Variants in TMEM131L observed in about 807,000 individuals in gnomAD.
The protein encoded by TMEM131L is transmembrane 131 like.
A neutral mutation model predicts 192.2 loss-of-function variants in TMEM131L; 54 were observed. That is an observed-to-expected ratio of 0.28 (90% CI 0.23 to 0.35). TMEM131L has a LOEUF of 0.35. Among genes scored for constraint, TMEM131L ranks in the 10% least tolerant of loss-of-function variants. TMEM131L has a pLI of 1.00. For missense variants in TMEM131L, 1,888 were observed against 1,972.9 expected (o/e 0.96, Z 0.82); for synonymous variants, 701 against 704.9 (o/e 0.99, Z 0.09).
At chr4:153,510,082 ACT>A (rs1162127228) in intron 3 of TMEM131L, among the ~76,000 whole-genome samples, 3 of 152,064 alleles carry the variant, frequency 2.0e-5, no homozygotes, top group Non-Finnish European at 4.4e-5. Context: ...TTGATACCTG[ACT>A]CTCATTTATG....
At chr4:153,513,068 C>A (rs1404917790) in intron 3 of TMEM131L, among the ~76,000 whole-genome samples, 2 of 152,012 alleles carry the variant, frequency 1.3e-5, no homozygotes, top group African/African-American at 4.8e-5. Context: ...GTTATCAAGG[C>A]GTCTAGAGAG....
chr4:153,635,347 C>G, intron 33 of TMEM131L, 85 bp from the exon 34 acceptor site: 1 of 1,312,708 alleles, frequency 7.6e-7, no homozygotes, highest in Non-Finnish European at 1.1e-6. Context: ...TATAGTGAGA[C>G]CTTGAAAGCT....
chr4:153,494,923 G>A (rs1190395959), intron 3 of TMEM131L, among the ~76,000 whole-genome samples: 6 of 152,188 alleles, frequency 3.9e-5, no homozygotes, highest in East Asian at 1.9e-4. Context: ...CTTTACCTGC[G>A]TGATCCGGGG....
intron 3 of TMEM131L, among the ~76,000 whole-genome samples, chr4:153,516,367 C>A (rs998190451): frequency 1.3e-5 from 2 of 152,070 alleles, no homozygotes; most frequent in Non-Finnish European, 2.9e-5. Context: ...GTAGCTGAAA[C>A]TAGAGGCATG....
intron 7 of TMEM131L, among the ~76,000 whole-genome samples, chr4:153,563,883 C>A (rs910000080): frequency 2.0e-5 from 3 of 152,082 alleles, no homozygotes; most frequent in Non-Finnish European, 4.4e-5. Context: ...CTTATTCCTC[C>A]CAATTCATAT....
In TMEM131L at chr4:153,550,079, G is replaced by T; in HGVS notation, c.246G>T (p.Ser82=). Residue 82 remains serine, a synonymous_variant, in exon 4 of 35, where the codon TCG becomes TCT. Transcript: ENST00000409959. ...LEEPSQEQSF[S]DKLFSGKGLH... ...CTCTCTTTTCTTTTTTTAGCTTCTC[G>T]GACAAACTATTTAGTGGAAAAGGCT... 6.8e-7 allele frequency: 1 copy of T among 1,473,602 alleles called. No individual in the cohort carries two copies. Among genetic ancestry groups the T allele is most frequent in the African/African-American group, 1.4e-5 (1 of 70,220 alleles). 91.3% of individuals were successfully genotyped at this position (1,473,602 alleles called of 1,614,324 possible).
chr4:153,601,974 T>C (rs186853987), intron 21 of TMEM131L, 178 bp from the exon 22 acceptor site: 64 of 468,382 alleles, frequency 1.4e-4, no homozygotes, highest in Admixed American at 1.2e-4. Flanking sequence ...TAGAACAGAA[T>C]CTATAATTGT....
intron 3 of TMEM131L, among the ~76,000 whole-genome samples, chr4:153,504,257 G>A (rs1392560458): frequency 7.5e-6 from 1 of 132,772 alleles, no homozygotes; most frequent in Non-Finnish European, 1.6e-5. Context: ...GTGAGCCACC[G>A]CGGTCGGCCT....
At chr4:153,580,777 G>A (rs759500011) in intron 7 of TMEM131L, 49 bp from the exon 8 acceptor site, 2 of 1,059,170 alleles carry the variant, frequency 1.9e-6, no homozygotes. Flanking sequence ...ATTAGTGTGA[G>A]ATTGAGCCTT....
At chr4:153,522,581 C>G (rs1310154389) in intron 3 of TMEM131L, among the ~76,000 whole-genome samples, 2 of 152,188 alleles carry the variant, frequency 1.3e-5, no homozygotes, top group African/African-American at 4.8e-5. Context: ...ACCGAGCTCT[C>G]TCTTCTCGTT....
intron 3 of TMEM131L, among the ~76,000 whole-genome samples, chr4:153,490,811 A>C (rs777447505): frequency 1.3e-5 from 2 of 151,994 alleles, no homozygotes; most frequent in African/African-American, 2.4e-5. Context: ...AATATTAGCC[A>C]GGTCTGGTGA....
intron 9 of TMEM131L, 151 bp downstream of exon 9, chr4:153,581,711 C>G: frequency 2.2e-6 from 1 of 460,092 alleles, no homozygotes. Context: ...GGTTCTCAAC[C>G]TACAACTGCT....
chr4:153,565,739 C>T (rs1343025645), intron 7 of TMEM131L, among the ~76,000 whole-genome samples: 5 of 152,038 alleles, frequency 3.3e-5, no homozygotes, highest in African/African-American at 9.7e-5. Flanking sequence ...GATAAATTTA[C>T]GTATATTAAC....
Position 153,596,259 on chromosome 4 carries a change from G to T in TMEM131L, c.1997G>T (p.Gly666Val), listed in dbSNP as rs779648191. 3.1e-6 allele frequency: 5 copies of T among 1,613,628 alleles called. No homozygotes were observed. In the Admixed American group the frequency reaches 8.3e-5, roughly 27 times the overall value. ...ATGGTTTAATTTGTTAATTTGCAGG[G>T]TACGCATTCTGAGGAATCCAGGTTT... ...FQLTEACPYL[G>V]THSEESRFGI... The change falls in exon 20 of 35, where the codon GGT becomes GTT. Residue 666 changes from glycine to valine, a missense_variant and splice_region_variant. Gly to Val is a moderately radical substitution (Grantham distance 109). Transcript: ENST00000409959.
chr4:153,572,184 T>C (rs535841537), intron 7 of TMEM131L, among the ~76,000 whole-genome samples: 1 of 152,330 alleles, frequency 6.6e-6, no homozygotes, highest in South Asian at 2.1e-4. Context: ...CATTTCATTA[T>C]GTTGTGAACA....
Position 153,620,695 on chromosome 4 carries a change from T to G in TMEM131L, c.3568-61T>G, listed in dbSNP as rs1733332728. The G allele has an allele frequency of 1.7e-5, 19 of 1,136,180 alleles. 1 individual carries two copies. In the South Asian group the frequency reaches 2.6e-4, roughly 15 times the overall value. The allele number at this position is 1,136,180 out of a possible 1,614,324, so 70.4% of individuals were successfully genotyped here. On this transcript the variant is annotated intron_variant, in intron 26 of 34. Transcript: ENST00000409959. ...TCAGATGGAGTTGGTCTTCAAACAT[T>G]TAAACATGTTTTTATTCATATTTAG...
intron 3 of TMEM131L, among the ~76,000 whole-genome samples, chr4:153,482,585 A>G (rs1167195630): frequency 6.6e-6 from 1 of 152,072 alleles, no homozygotes; most frequent in Non-Finnish European, 1.5e-5. Context: ...TTAGTTCCTA[A>G]AAACTTTTAT....
intron 19 of TMEM131L, among the ~76,000 whole-genome samples, chr4:153,595,624 A>G (rs924895968): frequency 2.6e-5 from 4 of 152,214 alleles, no homozygotes; most frequent in South Asian, 2.1e-4. Context: ...ATGGAGCTAG[A>G]AAAAGCAGTG....
chr4:153,603,013 G>C (rs1731955923), intron 23 of TMEM131L, among the ~76,000 whole-genome samples: 1 of 152,166 alleles, frequency 6.6e-6, no homozygotes, highest in South Asian at 2.1e-4. Flanking sequence ...TTAATTACTT[G>C]TGTTAGCTCA....
Sources: gnomAD v4.1 joint callset for allele counts (sites outside exome capture counted in the v4.1 genomes callset) on GRCh38, gnomAD v4.1.1 for gene constraint, MANE v1.5 for transcripts, NCBI Gene and HGNC (gene_info 2026-07-23, HGNC 2026-07-21) for gene names.